The following CCDC7 variants were observed in gnomAD, a reference collection of about 807,000 sequenced individuals.
CCDC7 encodes coiled-coil domain containing 7.
CCDC7 carries 183 observed loss-of-function variants against 196.9 expected under a neutral mutation model. That is an observed-to-expected ratio of 0.93 (90% CI 0.82 to 1.05). The LOEUF is 1.05. Among genes scored for constraint, CCDC7 ranks in the 50% least tolerant of loss-of-function variants. CCDC7 has a pLI of 0.00. For missense variants in CCDC7, 1,540 were observed against 1,482.2 expected (o/e 1.04, Z -0.64); for synonymous variants, 525 against 484.6 (o/e 1.08, Z -1.10).
exon 22 of CCDC7, chr10:32,686,016 A>G (rs774857698): frequency 6.3e-7 from 1 of 1,590,164 alleles, no homozygotes; most frequent in Non-Finnish European, 8.5e-7. Context: ...AGCATCAAGA[A>G]TCATTGTCAA....
At chr10:32,683,559 C>G (rs1429687423) in intron 21 of CCDC7, among the ~76,000 whole-genome samples, 1 of 152,088 alleles carries the variant, frequency 6.6e-6, no homozygotes, top group Non-Finnish European at 1.5e-5. Context: ...ATGTAAATTG[C>G]TTTGAGTAGT....
intron 13 of CCDC7, among the ~76,000 whole-genome samples, chr10:32,558,849 C>T (rs2054819716): frequency 1.3e-5 from 2 of 152,180 alleles, no homozygotes; most frequent in African/African-American, 4.8e-5. Flanking sequence ...CATGCGTGAG[C>T]CGAAGCAGGG....
intron 13 of CCDC7, 87 bp downstream of exon 14, chr10:32,544,388 A>G: frequency 7.3e-7 from 1 of 1,364,484 alleles, no homozygotes; most frequent in South Asian, 1.5e-5. Context: ...TACGTATGTG[A>G]TTATAGGGTA....
chr10:32,756,151 A>AGG (rs1329355540), intron 28 of CCDC7, among the ~76,000 whole-genome samples: 3 of 152,228 alleles, frequency 2.0e-5, no homozygotes, highest in African/African-American at 7.2e-5. Flanking sequence ...TGAAAGTGAC[A>AGG]GGGAGAATGG....
At chr10:32,595,243 T>A (rs2060205002) in intron 18 of CCDC7, among the ~76,000 whole-genome samples, 1 of 152,202 alleles carries the variant, frequency 6.6e-6, no homozygotes, top group African/African-American at 2.4e-5. Context: ...ATTGGTCTAT[T>A]CAGGGATTCA....
chr10:32,575,279 T>C (rs1172498157), intron 16 of CCDC7, among the ~76,000 whole-genome samples: 1 of 152,208 alleles, frequency 6.6e-6, no homozygotes, highest in Non-Finnish European at 1.5e-5. Context: ...TGAAAATGTA[T>C]GTTATAACTA....
intron 20 of CCDC7, among the ~76,000 whole-genome samples, chr10:32,636,677 C>G (rs1020928243): frequency 3.9e-5 from 6 of 152,030 alleles, no homozygotes; most frequent in African/African-American, 1.4e-4. Context: ...TGAATAGTGC[C>G]GCAATAAACA....
chr10:32,694,033 T>C (rs2077395416), intron 23 of CCDC7, among the ~76,000 whole-genome samples: 1 of 152,168 alleles, frequency 6.6e-6, no homozygotes, highest in Non-Finnish European at 1.5e-5. Flanking sequence ...CAATAAACAA[T>C]GCAGTACAAA....
intron 18 of CCDC7, among the ~76,000 whole-genome samples, chr10:32,619,819 A>T (rs540921383): frequency 6.6e-6 from 1 of 151,366 alleles, no homozygotes; most frequent in Non-Finnish European, 1.5e-5. Flanking sequence ...GCCTGGTCTC[A>T]AACTCTTGGT....
intron 25 of CCDC7, among the ~76,000 whole-genome samples, chr10:32,713,830 A>G (rs912650326): frequency 5.9e-5 from 9 of 152,240 alleles, no homozygotes; most frequent in Admixed American, 2.0e-4. Context: ...TCTGGGCAGC[A>G]GCCACGTTTT....
chr10:32,474,082 A>G (rs1481509659), intron 8 of CCDC7, 59 bp downstream of exon 9: 3 of 1,547,698 alleles, frequency 1.9e-6, no homozygotes, highest in Non-Finnish European at 2.6e-6. Flanking sequence ...ATTAATTTCT[A>G]TAAAGTAATA....
intron 28 of CCDC7, among the ~76,000 whole-genome samples, chr10:32,738,271 A>G (rs1170437175): frequency 6.6e-6 from 1 of 152,088 alleles, no homozygotes; most frequent in Non-Finnish European, 1.5e-5. Context: ...TTTAAATATC[A>G]CTATATCGCT....
At chr10:32,680,547 A>T (rs1487871746) in intron 21 of CCDC7, among the ~76,000 whole-genome samples, 1 of 151,972 alleles carries the variant, frequency 6.6e-6, no homozygotes, top group Non-Finnish European at 1.5e-5. Flanking sequence ...CGTCATTTAC[A>T]TTAGCTATTT....
In CCDC7 at chr10:32,549,347, C is replaced by T. The variant is rs564919415; in HGVS notation, c.1134+5046C>T. On this transcript the variant is annotated intron_variant, in intron 13 of 41. Coordinates refer to ENST00000639629, the Ensembl canonical transcript of CCDC7. ...CAGATGTATGGATTGTGAAGATTTT[C>T]TTCCACTCTGTGGGTTGTCTGATTA... Among the ~76,000 whole-genome samples, 13 of 152,248 alleles carry T rather than the reference C, an allele frequency of 8.5e-5. No individual in the cohort carries two copies. In the South Asian group the frequency reaches 2.7e-3, roughly 32 times the overall value.
chr10:32,554,557 A>G (rs984945750), intron 13 of CCDC7, among the ~76,000 whole-genome samples: 2 of 152,210 alleles, frequency 1.3e-5, no homozygotes, highest in African/African-American at 4.8e-5. Flanking sequence ...AAGTAAGGTC[A>G]GAAACTTTTC....
At chr10:32,486,718 C>A (rs951837512) in intron 8 of CCDC7, among the ~76,000 whole-genome samples, 45 of 137,862 alleles carry the variant, frequency 3.3e-4, no homozygotes, top group African/African-American at 1.1e-3. Flanking sequence ...ATTTGCTTGT[C>A]TGTAAAGGAT....
intron 21 of CCDC7, among the ~76,000 whole-genome samples, chr10:32,672,654 G>C (rs979858935): frequency 3.3e-5 from 5 of 152,152 alleles, no homozygotes; most frequent in Admixed American, 3.3e-4. Flanking sequence ...GTCCTGGGTG[G>C]ATCAGGCCGT....
chr10:32,580,376 G>A (rs963504705), intron 16 of CCDC7, among the ~76,000 whole-genome samples: 8 of 151,936 alleles, frequency 5.3e-5, no homozygotes, highest in Admixed American at 1.3e-4. Context: ...TAGTCATCTT[G>A]GACTTTTACT....
At chr10:32,852,013 C>T (rs1161418882) in intron 40 of CCDC7, 81 bp downstream of exon 41, 9 of 1,405,582 alleles carry the variant, frequency 6.4e-6, no homozygotes, top group South Asian at 1.5e-5. Flanking sequence ...GTTGTAATAG[C>T]TTTAGTCATA....
Sources: gnomAD v4.1 joint callset for allele counts (sites outside exome capture counted in the v4.1 genomes callset) on GRCh38, gnomAD v4.1.1 for gene constraint, MANE v1.5 for transcripts, NCBI Gene and HGNC (gene_info 2026-07-23, HGNC 2026-07-21) for gene names.